The following NRXN3 variants were observed in gnomAD, a reference collection of about 807,000 sequenced individuals.
NRXN3 encodes neurexin III.
In NRXN3, 32 loss-of-function variants were observed where a neutral mutation model predicts 137.6. That is an observed-to-expected ratio of 0.23 (90% CI 0.18 to 0.31). The LOEUF is 0.31. Ranked by LOEUF, NRXN3 falls within the 10% of genes least tolerant of loss-of-function variation. The pLI is 1.00. For synonymous variants in NRXN3, 798 were observed against 784.5 expected, an observed-to-expected ratio of 1.02 and a Z score of -0.29; for missense variants, 1,574 against 2,062.5, an observed-to-expected ratio of 0.76 and a Z score of 4.59.
chr14:79,060,494 G>A (rs1245706610), intron 15 of NRXN3, among the ~76,000 whole-genome samples: 1 of 152,114 alleles, frequency 6.6e-6, no homozygotes, highest in Admixed American at 6.5e-5. Flanking sequence ...TATGATGGAT[G>A]ACTGGTAAAT....
intron 6 of NRXN3, among the ~76,000 whole-genome samples, chr14:78,657,695 T>G (rs141405203): frequency 1.5e-3 from 231 of 152,344 alleles, no homozygotes; most frequent in African/African-American, 5.3e-3. Context: ...TGTAATAACT[T>G]TACATTTTAT....
chr14:78,580,666 A>G (rs906748113), intron 4 of NRXN3, among the ~76,000 whole-genome samples: 1 of 152,200 alleles, frequency 6.6e-6, no homozygotes, highest in Non-Finnish European at 1.5e-5. Flanking sequence ...AGAGGTGACT[A>G]TTAGAGGTGC....
At chr14:79,553,833 T>C (rs2097400507) in intron 16 of NRXN3, among the ~76,000 whole-genome samples, 1 of 152,218 alleles carries the variant, frequency 6.6e-6, no homozygotes, top group Non-Finnish European at 1.5e-5. Context: ...GTTCTAAGTC[T>C]CCTTGTGTTC....
intron 10 of NRXN3, among the ~76,000 whole-genome samples, chr14:78,812,123 A>T (rs1306405940): frequency 6.6e-6 from 1 of 152,206 alleles, no homozygotes; most frequent in Non-Finnish European, 1.5e-5. Flanking sequence ...TATCACCACA[A>T]TCACATTTTA....
At chr14:78,951,807 A>T (rs2099387666) in intron 10 of NRXN3, among the ~76,000 whole-genome samples, 1 of 152,168 alleles carries the variant, frequency 6.6e-6, no homozygotes, top group South Asian at 2.1e-4. Context: ...ATGTGAATAG[A>T]TAGTCTTGCA....
At chr14:78,669,181 C>T (rs892171765) in intron 6 of NRXN3, among the ~76,000 whole-genome samples, 3 of 151,930 alleles carry the variant, frequency 2.0e-5, no homozygotes, top group Admixed American at 6.6e-5. Flanking sequence ...GAGAGAATAG[C>T]GTCAGTAAAG....
intron 19 of NRXN3, among the ~76,000 whole-genome samples, chr14:79,792,549 C>T (rs1460486867): frequency 6.6e-6 from 1 of 152,090 alleles, no homozygotes; most frequent in Non-Finnish European, 1.5e-5. Flanking sequence ...TCTAGAAAAA[C>T]TAAATAAAGA....
chr14:79,605,789 C>T (rs767175884), intron 16 of NRXN3, among the ~76,000 whole-genome samples: 9 of 152,140 alleles, frequency 5.9e-5, no homozygotes, highest in Non-Finnish European at 8.8e-5. Context: ...TGCGCCTGGC[C>T]GATACTGCAG....
intron 15 of NRXN3, among the ~76,000 whole-genome samples, chr14:79,299,280 A>G (rs1340976116): frequency 6.6e-6 from 1 of 151,994 alleles, no homozygotes; most frequent in Non-Finnish European, 1.5e-5. Context: ...ACAGCCATGT[A>G]GAGGACGAAA....
Position 79,597,291 on chromosome 14 carries a change from C to G in NRXN3, c.3445-66487C>G, listed in dbSNP as rs543793112. ...ACTAAAAGTCCTTTGCCAACATCAG[C>G]CCAGTGCAAGTTAACCTGTTATGAG... On this transcript the variant is annotated intron_variant, in intron 16 of 20. Coordinates refer to ENST00000335750, the MANE Select transcript of NRXN3 (RefSeq NM_001330195.2). Among the ~76,000 whole-genome samples the G allele has an allele frequency of 3.9e-5, 6 of 152,256 alleles. No individual in the cohort carries two copies. In the South Asian group the frequency reaches 1.2e-3, roughly 32 times the overall value.
intron 1 of NRXN3, among the ~76,000 whole-genome samples, chr14:78,205,069 G>A (rs987237219): frequency 2.0e-5 from 3 of 152,168 alleles, no homozygotes; most frequent in African/African-American, 4.8e-5. Context: ...TTAGGTGCCC[G>A]CTGCCCCAGC....
chr14:79,007,182 A>G (rs909331195), intron 15 of NRXN3, among the ~76,000 whole-genome samples: 36 of 152,198 alleles, frequency 2.4e-4, no homozygotes, highest in African/African-American at 7.7e-4. Flanking sequence ...CATCAGGTGT[A>G]TCAAATATTT....
chr14:79,607,588 A>G (rs2098037295), intron 16 of NRXN3, among the ~76,000 whole-genome samples: 2 of 152,180 alleles, frequency 1.3e-5, no homozygotes, highest in African/African-American at 2.4e-5. Context: ...AAGGGAATTT[A>G]GATAATTAAA....
At chr14:78,777,355 G>C (rs985488832) in intron 8 of NRXN3, among the ~76,000 whole-genome samples, 13 of 152,102 alleles carry the variant, frequency 8.5e-5, no homozygotes, top group Non-Finnish European at 1.8e-4. Context: ...CCATTTTCTT[G>C]GGGGCTCCAA....
Position 78,694,523 on chromosome 14 carries a change from T to G in NRXN3, c.1222-14694T>G, listed in dbSNP as rs559892778. On this transcript the variant is annotated intron_variant, in intron 6 of 20. Coordinates refer to ENST00000335750, the MANE Select transcript of NRXN3 (RefSeq NM_001330195.2). ...ATTGTGTCATAAGAATTAGATAGCC[T>G]CCAGCACAACGAATTACAAATACTT... Among the ~76,000 whole-genome samples the G allele has an allele frequency of 1.4e-4, 22 of 152,052 alleles. No homozygotes were observed. In the South Asian group the frequency reaches 4.6e-3, roughly 32 times the overall value.
At chr14:79,390,514 G>A (rs763324053) in intron 15 of NRXN3, among the ~76,000 whole-genome samples, 35 of 152,168 alleles carry the variant, frequency 2.3e-4, no homozygotes, top group Non-Finnish European at 2.9e-4. Flanking sequence ...TAGTGTTTCA[G>A]TGACTTTGAT....
chr14:79,489,204 T>C (rs1170470221), intron 16 of NRXN3, among the ~76,000 whole-genome samples: 1 of 152,090 alleles, frequency 6.6e-6, no homozygotes, highest in African/African-American at 2.4e-5. Flanking sequence ...GCACCAAGAT[T>C]AAATAATATT....
At position 78,501,504 on chromosome 14, in the gene NRXN3, G is replaced by T. The variant is rs2095875608; in HGVS notation, c.758-143616G>T. ...CTATAGTCTTTGGTAAGCTAAACTT[G>T]GAAGTTATGTCCCATCACTTTTGTT... On this transcript the variant is annotated intron_variant, in intron 4 of 20. Coordinates refer to ENST00000335750, the MANE Select transcript of NRXN3 (RefSeq NM_001330195.2). 2.0e-5 allele frequency among the ~76,000 whole-genome samples: 3 copies of T among 152,132 alleles called. No homozygotes were observed. In the South Asian group the frequency reaches 6.2e-4, roughly 32 times the overall value.
chr14:79,658,946 G>A (rs780192510), intron 16 of NRXN3, among the ~76,000 whole-genome samples: 48 of 152,224 alleles, frequency 3.2e-4, no homozygotes, highest in Non-Finnish European at 5.6e-4. Flanking sequence ...TGAACGAAGA[G>A]ATAGCCTTCA....
Sources: gnomAD v4.1 joint callset for allele counts (sites outside exome capture counted in the v4.1 genomes callset) on GRCh38, gnomAD v4.1.1 for gene constraint, MANE v1.5 for transcripts, NCBI Gene and HGNC (gene_info 2026-07-23, HGNC 2026-07-21) for gene names.